The following GLRA1 variants were observed in gnomAD, a reference collection of about 807,000 sequenced individuals.
GLRA1 encodes the protein glycine receptor subunit alpha-1.
GLRA1 carries 37 observed loss-of-function variants against 48.3 expected under a neutral mutation model. The ratio of observed to expected loss-of-function variants is 0.77; its 90% CI spans 0.59 to 1.01. The LOEUF (loss-of-function observed/expected upper bound fraction) is 1.01. Among genes scored for constraint, GLRA1 ranks in the 50% least tolerant of loss-of-function variants. GLRA1 has a pLI of 0.00. For missense variants in GLRA1, 427 were observed against 571.0 expected (o/e 0.75, Z 2.57); for synonymous variants, 196 against 210.7 (o/e 0.93, Z 0.60).
intron 7 of GLRA1, among the ~76,000 whole-genome samples, chr5:151,839,378 CT>C (rs960840007): frequency 1.4e-4 from 22 of 152,056 alleles, no homozygotes; most frequent in African/African-American, 5.3e-4. Flanking sequence ...TTGTTTATAA[CT>C]TTTTTCTCCT....
In GLRA1 at chr5:151,869,835, T is replaced by G. The variant is rs528100087; in HGVS notation, c.253-9827A>C. ...GAGAGGAAACCAAAATTTAGAGTGG[T>G]TAAATGGAGGTTAAGTTTCTTGCCC... On this transcript the variant is annotated intron_variant, in intron 3 of 8. Coordinates refer to ENST00000274576, the MANE Select transcript of GLRA1 (RefSeq NM_000171.4). 4.7e-5 allele frequency among the ~76,000 whole-genome samples: 7 copies of G among 149,872 alleles called. 1 individual carries two copies. In the South Asian group the frequency reaches 1.5e-3, roughly 31 times the overall value.
intron 6 of GLRA1, among the ~76,000 whole-genome samples, chr5:151,852,131 C>T (rs1212050178): frequency 6.6e-6 from 1 of 152,160 alleles, no homozygotes; most frequent in East Asian, 1.9e-4. Flanking sequence ...CCTTTATAAT[C>T]AAGCTCTAAC....
At chr5:151,897,693 T>G (rs1298471062) in intron 1 of GLRA1, among the ~76,000 whole-genome samples, 1 of 152,180 alleles carries the variant, frequency 6.6e-6, no homozygotes, top group African/African-American at 2.4e-5. Context: ...CATAGGGTAT[T>G]CTAGGACTAT....
chr5:151,885,801 T>G (rs2913880), intron 3 of GLRA1, among the ~76,000 whole-genome samples: 128,840 of 152,156 alleles, frequency 0.85, 54,695 homozygotes, highest in East Asian at 0.99. Context: ...CCATAGGAAG[T>G]GTTTAAATAG....
At chr5:151,884,439 A>AAAACAAAACAAAACAAAAC (rs1294624777) in intron 3 of GLRA1, among the ~76,000 whole-genome samples, 1 of 151,866 alleles carries the variant, frequency 6.6e-6, no homozygotes. Flanking sequence ...AAAACAAAAC[A>AAAACAAAACAAAACAAAAC]AAACAAAACA....
chr5:151,920,223 T>C (rs80281436), intron 1 of GLRA1, among the ~76,000 whole-genome samples: 4,112 of 152,232 alleles, frequency 0.027, 195 homozygotes, highest in African/African-American at 0.095. Context: ...AAGATCTTAT[T>C]AGGGGTTGGA....
intron 1 of GLRA1, among the ~76,000 whole-genome samples, chr5:151,905,580 CA>C (rs1754455755): frequency 1.3e-5 from 2 of 152,032 alleles, no homozygotes; most frequent in Admixed American, 1.3e-4. Context: ...GTCCTAGAAG[CA>C]AAATTGCTGA....
Position 151,843,109 on chromosome 5 carries a change from A to G in GLRA1, c.912+8281T>C, listed in dbSNP as rs139466222. ...AAGAAATTAAAGATGACCTAAATAAATGAGAAGAAATCCCATGTTGATGGA... is the reference window on the plus strand; with the variant it reads ...AAGAAATTAAAGATGACCTAAATAAGTGAGAAGAAATCCCATGTTGATGGA... On this transcript the variant is annotated intron_variant, in intron 7 of 8. Transcript: ENST00000274576. Among the ~76,000 whole-genome samples the G allele has an allele frequency of 3.2e-4, 48 of 152,274 alleles. No homozygotes were observed. In the East Asian group the frequency reaches 8.3e-3, roughly 26 times the overall value.
intron 7 of GLRA1, 67 bp from the exon 8 acceptor site, chr5:151,829,134 G>A: frequency 6.6e-7 from 1 of 1,505,318 alleles, no homozygotes; most frequent in Non-Finnish European, 9.2e-7. Flanking sequence ...AAGCATGGCG[G>A]AATATTTTCT....
At chr5:151,849,251 C>CCTTCCTTCCTTCCTTCCCTTCT (rs1561554796) in intron 7 of GLRA1, among the ~76,000 whole-genome samples, 7 of 55,002 alleles carry the variant, frequency 1.3e-4, no homozygotes, top group African/African-American at 4.4e-4. Flanking sequence ...CCTTCCTTCC[C>CCTTCCTTCCTTCCTTCCCTTCT]TTCTTTCTTT....
At chr5:151,917,167 G>A (rs938696521) in intron 1 of GLRA1, among the ~76,000 whole-genome samples, 1 of 152,156 alleles carries the variant, frequency 6.6e-6, no homozygotes, top group African/African-American at 2.4e-5. Flanking sequence ...GAATGATCTA[G>A]AGCCTTGCTG....
chr5:151,881,548 C>T (rs1456918557), intron 3 of GLRA1, among the ~76,000 whole-genome samples: 2 of 144,996 alleles, frequency 1.4e-5, no homozygotes, highest in African/African-American at 5.2e-5. Flanking sequence ...TTTGCCCAGG[C>T]TGGTCTCGAA....
Position 151,881,886 on chromosome 5 carries a change from C to T in GLRA1, c.252+4835G>A, listed in dbSNP as rs565348077. The stretch of plus-strand genomic sequence containing the variant: ...GCTGTTTATAGAGCTGCTATGCACT[C>T]CTGCTTTTTCTGGAGAACAAACACA... On this transcript the variant is annotated intron_variant, in intron 3 of 8. Transcript: ENST00000274576. Among the ~76,000 whole-genome samples, 5 of 152,284 alleles carry T rather than the reference C, an allele frequency of 3.3e-5. No individual in the cohort carries two copies. The South Asian group carries it at 1.0e-3, about 32-fold the overall frequency.
At chr5:151,887,286 A>C (rs1581645574) in intron 2 of GLRA1, among the ~76,000 whole-genome samples, 2 of 152,302 alleles carry the variant, frequency 1.3e-5, no homozygotes, top group South Asian at 4.1e-4. Flanking sequence ...AAGTCCACAG[A>C]CTTTGTTAAA....
Position 151,924,741 on chromosome 5 carries a change from G to A in GLRA1, c.-192C>T, listed in dbSNP as rs1754980414. 4.6e-6 allele frequency: 3 copies of A among 655,644 alleles called. No individual in the cohort carries two copies. The highest frequency in any genetic ancestry group is 2.7e-5 in the East Asian group (1 of 36,800). 40.6% of individuals were successfully genotyped at this position (655,644 alleles called of 1,614,324 possible). A position where few individuals can be genotyped will look rare whatever the true frequency, so the allele number is the denominator to read the frequency against. On this transcript the variant is annotated 5_prime_UTR_variant, in exon 1 of 9. Transcript: ENST00000274576. ...GGTCGTAGATACCACGGACAGCGGC[G>A]GCTGCGAGGCGTTTCAGCACCACGG... is the stretch of plus-strand genomic sequence containing the variant.
chr5:151,827,313 G>A (rs1203560046), intron 8 of GLRA1, among the ~76,000 whole-genome samples: 1 of 152,066 alleles, frequency 6.6e-6, no homozygotes, highest in East Asian at 1.9e-4. Context: ...TTAGAAGGAT[G>A]GTGATATCTT....
intron 7 of GLRA1, among the ~76,000 whole-genome samples, chr5:151,835,544 C>T (rs181351688): frequency 5.3e-5 from 8 of 152,206 alleles, no homozygotes; most frequent in East Asian, 3.9e-4. Flanking sequence ...TGATGAACAT[C>T]GATTAGAAAA....
chr5:151,860,420 A>G (rs960842475), intron 3 of GLRA1, among the ~76,000 whole-genome samples: 4 of 152,144 alleles, frequency 2.6e-5, no homozygotes, highest in African/African-American at 9.7e-5. Context: ...TTTACCCTCA[A>G]CCCCAATACT....
chr5:151,842,952 ATAATT>A (rs1244158772), intron 7 of GLRA1, among the ~76,000 whole-genome samples: 5 of 152,252 alleles, frequency 3.3e-5, no homozygotes, highest in African/African-American at 9.6e-5. Context: ...ACTAGAATGA[ATAATT>A]TAAAAATTAA....
Sources: allele counts gnomAD v4.1 joint callset (sites outside exome capture counted in the v4.1 genomes callset), GRCh38; gene constraint gnomAD v4.1.1; transcripts MANE v1.5; gene names NCBI Gene and HGNC (gene_info 2026-07-23, HGNC 2026-07-21).